Variants in CSNK1G1 observed in about 807,000 individuals in gnomAD.
The protein encoded by CSNK1G1 is casein kinase 1 gamma 1.
In CSNK1G1, 22 loss-of-function variants were observed where a neutral mutation model predicts 59.6. That is an observed-to-expected ratio of 0.37 (90% CI 0.26 to 0.53). CSNK1G1 has a LOEUF of 0.53. Ranked by LOEUF, CSNK1G1 falls within the 20% of genes least tolerant of loss-of-function variation. CSNK1G1 has a pLI of 0.89. For synonymous variants in CSNK1G1, 179 were observed against 177.1 expected, an observed-to-expected ratio of 1.01 and a Z score of -0.08; for missense variants, 384 against 519.5, an observed-to-expected ratio of 0.74 and a Z score of 2.54.
At chr15:64,274,188 C>T (rs1447115468) in intron 2 of CSNK1G1, among the ~76,000 whole-genome samples, 1 of 152,134 alleles carries the variant, frequency 6.6e-6, no homozygotes, top group Non-Finnish European at 1.5e-5. Flanking sequence ...TGATAAGTCT[C>T]CTGAGCTAAG....
chr15:64,182,369 G>A (rs573137219), intron 10 of CSNK1G1, among the ~76,000 whole-genome samples: 12 of 152,052 alleles, frequency 7.9e-5, no homozygotes, highest in Non-Finnish European at 1.6e-4. Flanking sequence ...CACTGTGCCC[G>A]GCCTCCAGCT....
intron 9 of CSNK1G1, 79 bp downstream of exon 9, chr15:64,204,362 G>T: frequency 8.7e-7 from 1 of 1,145,428 alleles, no homozygotes; most frequent in Non-Finnish European, 1.2e-6. Flanking sequence ...AGAAAGACTG[G>T]CAAGTAAAGG....
chr15:64,183,839 G>A (rs1360585258), intron 10 of CSNK1G1, among the ~76,000 whole-genome samples: 2 of 151,126 alleles, frequency 1.3e-5, no homozygotes, highest in African/African-American at 2.4e-5. Context: ...GAGTTCAAGC[G>A]ATTCTCCTGC....
intron 11 of CSNK1G1, 61 bp from the exon 12 acceptor site, chr15:64,172,046 G>T: frequency 6.8e-7 from 1 of 1,477,436 alleles, no homozygotes; most frequent in Non-Finnish European, 9.4e-7. Context: ...GCAGACTTCT[G>T]CCTGCTTCTG....
At chr15:64,217,769 T>C (rs1178698431) in intron 4 of CSNK1G1, among the ~76,000 whole-genome samples, 1 of 147,198 alleles carries the variant, frequency 6.8e-6, no homozygotes, top group Non-Finnish European at 1.5e-5. Context: ...TGAGCTGAGA[T>C]GGCGCCACTG....
At chr15:64,196,700 C>A (rs2082043104) in intron 10 of CSNK1G1, among the ~76,000 whole-genome samples, 1 of 152,074 alleles carries the variant, frequency 6.6e-6, no homozygotes, top group South Asian at 2.1e-4. Context: ...GATCCGCCCG[C>A]CTCGGCCTCC....
chr15:64,187,358 ATTT>A (rs371229586), intron 10 of CSNK1G1, among the ~76,000 whole-genome samples: 1 of 145,306 alleles, frequency 6.9e-6, no homozygotes, highest in Admixed American at 6.9e-5. Flanking sequence ...GGCCTGGCTA[ATTT>A]TTTTTTTTTT....
chr15:64,309,601 C>T (rs978961025), intron 1 of CSNK1G1, among the ~76,000 whole-genome samples: 4 of 152,120 alleles, frequency 2.6e-5, no homozygotes, highest in African/African-American at 9.7e-5. Context: ...GTGATTAGTG[C>T]TATGGTGAGG....
chr15:64,347,420 T>G (rs901018296), intron 1 of CSNK1G1, among the ~76,000 whole-genome samples: 1 of 151,652 alleles, frequency 6.6e-6, no homozygotes, highest in South Asian at 2.1e-4. Flanking sequence ...GGTGAAGGGA[T>G]CAACAAATTG....
intron 2 of CSNK1G1, among the ~76,000 whole-genome samples, chr15:64,259,483 TACACACACACACACACAC>T (rs59936401): frequency 6.7e-4 from 94 of 139,820 alleles, no homozygotes; most frequent in African/African-American, 2.3e-3. Flanking sequence ...AAATCTCTCT[TACACACACACACACACAC>T]ACACACACAC....
At chr15:64,226,449 G>C (rs546453436) in intron 4 of CSNK1G1, among the ~76,000 whole-genome samples, 1 of 152,166 alleles carries the variant, frequency 6.6e-6, no homozygotes, top group South Asian at 2.1e-4. Context: ...TCCCAGACTA[G>C]GGAGGCTGAG....
Position 64,289,973 on chromosome 15 carries a change from CTAT to C in CSNK1G1, c.181+10343_181+10345del, listed in dbSNP as rs369693105. On this transcript the variant is annotated intron_variant, in intron 2 of 11. Coordinates refer to ENST00000303052, the MANE Select transcript of CSNK1G1 (RefSeq NM_022048.5). ...TATAATTTTATACCAGTCAGAATGGCTATTATTATTATTTTTTGTTTTGTTGGT... is the reference window on the plus strand; with the variant it reads ...TATAATTTTATACCAGTCAGAATGGCTATTATTATTTTTTGTTTTGTTGGT... Among the ~76,000 whole-genome samples the C allele has an allele frequency of 8.3e-4, 126 of 152,162 alleles. 3 individuals carry two copies. The South Asian group carries it at 0.024, about 29-fold the overall frequency.
In CSNK1G1 at chr15:64,214,137, C is replaced by T. The variant is rs766678769; in HGVS notation, c.445-13G>A. ...CCATTCGAGAAAGCTGAAAGAGAAA[C>T]AAATGATAGAAAGACTGTAAAGAAG... On this transcript the variant is annotated splice_polypyrimidine_tract_variant and intron_variant, in intron 5 of 11. Transcript: ENST00000303052. This position sits in a 1 kb window ranked among gnomAD's most constrained non-coding sequence, Gnocchi z 4.3. 2.8e-5 allele frequency: 43 copies of T among 1,559,024 alleles called. No homozygotes were observed. In the East Asian group the frequency reaches 8.5e-4, roughly 31 times the overall value.
chr15:64,310,507 G>A lies in CSNK1G1; in HGVS notation c.-224-9784C>T, dbSNP rs142715738. Among the ~76,000 whole-genome samples the A allele has an allele frequency of 3.1e-3, 469 of 151,318 alleles. 1 individual carries two copies. The highest frequency in any genetic ancestry group is 0.011 in the African/African-American group (452 of 41,198). ...AAGACAGAAGGACTGCTTGAGCCCA[G>A]GAGTTCAAGACCAACCTGGGTGATG... On this transcript the variant is annotated intron_variant, in intron 1 of 11. Transcript: ENST00000303052.
chr15:64,193,439 C>A (rs1567365525), intron 10 of CSNK1G1, among the ~76,000 whole-genome samples: 2 of 148,908 alleles, frequency 1.3e-5, no homozygotes, highest in Non-Finnish European at 3.0e-5. Flanking sequence ...GTTGCATGAG[C>A]CGAGATCGCG....
At chr15:64,277,828 TAATA>T (rs1198614749) in intron 2 of CSNK1G1, among the ~76,000 whole-genome samples, 13 of 136,180 alleles carry the variant, frequency 9.5e-5, no homozygotes, top group South Asian at 2.2e-4. Flanking sequence ...ATATATTTAA[TAATA>T]ATATTGATAT....
chr15:64,247,965 T>G (rs1668654797), intron 4 of CSNK1G1, among the ~76,000 whole-genome samples: 2 of 152,220 alleles, frequency 1.3e-5, no homozygotes, highest in Admixed American at 6.5e-5. Flanking sequence ...TGTTTAAGTA[T>G]TCATTGTCAG....
chr15:64,327,096 G>T (rs1436579108), intron 1 of CSNK1G1, among the ~76,000 whole-genome samples: 1 of 151,930 alleles, frequency 6.6e-6, no homozygotes, highest in East Asian at 1.9e-4. Context: ...GAGGCTGGGG[G>T]AGGGGCGCCC....
intron 1 of CSNK1G1, among the ~76,000 whole-genome samples, chr15:64,346,150 T>C (rs1037010952): frequency 1.8e-4 from 28 of 152,106 alleles, no homozygotes; most frequent in African/African-American, 6.7e-4. Context: ...CCAGCACTTT[T>C]GGAGGCAAAG....
Sources: gnomAD v4.1 joint callset for allele counts (sites outside exome capture counted in the v4.1 genomes callset) on GRCh38, gnomAD v4.1.1 for gene constraint, Gnocchi (gnomAD v3.1) non-coding constraint, MANE v1.5 for transcripts, NCBI Gene and HGNC (gene_info 2026-07-23, HGNC 2026-07-21) for gene names.